CDH9: variants seen among roughly 807,000 people sequenced by gnomAD.
The protein encoded by CDH9 is cadherin 9.
CDH9 carries 28 observed loss-of-function variants against 70.9 expected under a neutral mutation model. The ratio of observed to expected loss-of-function variants is 0.40; its 90% CI spans 0.29 to 0.54. CDH9 has a LOEUF of 0.54. Ranked by LOEUF, CDH9 falls within the 20% of genes least tolerant of loss-of-function variation. The pLI is 0.59. For synonymous variants in CDH9, 409 were observed against 343.1 expected (o/e 1.19, Z -2.12); for missense variants, 874 against 984.4 (o/e 0.89, Z 1.50).
At chr5:26,894,824 G>A (rs188029559) in intron 7 of CDH9, among the ~76,000 whole-genome samples, 34 of 152,132 alleles carry the variant, frequency 2.2e-4, no homozygotes, top group African/African-American at 8.2e-4. Context: ...AGTTTAAAAA[G>A]GCCATTGTCA....
intron 11 of CDH9, among the ~76,000 whole-genome samples, chr5:26,882,171 G>T (rs1740479267): frequency 6.6e-6 from 1 of 151,936 alleles, no homozygotes; most frequent in Non-Finnish European, 1.5e-5. Context: ...GTATCTCATA[G>T]GTTTAACTAA....
intron 11 of CDH9, among the ~76,000 whole-genome samples, chr5:26,883,880 C>T (rs1220853881): frequency 6.6e-6 from 1 of 152,050 alleles, no homozygotes; most frequent in African/African-American, 2.4e-5. Context: ...AGCTACATTT[C>T]TTCAAAATGT....
At chr5:27,019,139 A>G (rs1743094456) in intron 1 of CDH9, among the ~76,000 whole-genome samples, 1 of 151,970 alleles carries the variant, frequency 6.6e-6, no homozygotes, top group African/African-American at 2.4e-5. Flanking sequence ...TAATTGGTGA[A>G]GTAGACTCAA....
chr5:26,916,826 A>G (rs1176502900), intron 2 of CDH9, among the ~76,000 whole-genome samples: 1 of 151,928 alleles, frequency 6.6e-6, no homozygotes, highest in Non-Finnish European at 1.5e-5. Flanking sequence ...TTCAACCACG[A>G]TGTTCTCATT....
chr5:27,011,605 A>T (rs1442416273), intron 1 of CDH9, among the ~76,000 whole-genome samples: 1 of 152,064 alleles, frequency 6.6e-6, no homozygotes, highest in Non-Finnish European at 1.5e-5. Flanking sequence ...TTTGTCATGC[A>T]TTGCTATGGC....
intron 7 of CDH9, among the ~76,000 whole-genome samples, chr5:26,897,626 T>C (rs1409547664): frequency 6.6e-6 from 1 of 152,146 alleles, no homozygotes; most frequent in East Asian, 1.9e-4. Flanking sequence ...CACCCTTTCA[T>C]GCTATAAACT....
chr5:26,937,082 G>A (rs533281452), intron 2 of CDH9, among the ~76,000 whole-genome samples: 1 of 151,912 alleles, frequency 6.6e-6, no homozygotes, highest in Admixed American at 6.6e-5. Context: ...ATAGTGCTAG[G>A]GTAATATAAA....
chr5:26,926,069 G>A (rs564474777), intron 2 of CDH9, among the ~76,000 whole-genome samples: 13 of 152,030 alleles, frequency 8.6e-5, no homozygotes, highest in Admixed American at 1.3e-4. Flanking sequence ...CCTATTCAAC[G>A]TAGTGTTGGA....
chr5:26,978,015 C>G (rs1742331654), intron 2 of CDH9, among the ~76,000 whole-genome samples: 1 of 152,080 alleles, frequency 6.6e-6, no homozygotes, highest in Admixed American at 6.5e-5. Flanking sequence ...CAAACCTACA[C>G]AGGATCAAAG....
chr5:26,962,777 T>A, intron 2 of CDH9, among the ~76,000 whole-genome samples: 1 of 152,102 alleles, frequency 6.6e-6, no homozygotes, highest in East Asian at 1.9e-4. Context: ...AGTTCTAGAG[T>A]ACATGTGTTC....
At chr5:26,923,392 A>G (rs945848170) in intron 2 of CDH9, among the ~76,000 whole-genome samples, 15 of 151,972 alleles carry the variant, frequency 9.9e-5, no homozygotes, top group Admixed American at 1.3e-4. Flanking sequence ...AGCAACCTAT[A>G]TATAAAACCT....
chr5:26,928,908 A>G (rs1301679917), intron 2 of CDH9, among the ~76,000 whole-genome samples: 1 of 151,942 alleles, frequency 6.6e-6, no homozygotes, highest in Non-Finnish European at 1.5e-5. Flanking sequence ...AACATTTGAT[A>G]ACCTCTCCAG....
At chr5:27,014,613 C>T (rs1743014676) in intron 1 of CDH9, among the ~76,000 whole-genome samples, 2 of 151,830 alleles carry the variant, frequency 1.3e-5, no homozygotes, top group African/African-American at 2.4e-5. Context: ...TATATATACA[C>T]ACCAAATATG....
intron 2 of CDH9, among the ~76,000 whole-genome samples, chr5:26,979,372 T>G (rs1302073103): frequency 6.6e-6 from 1 of 151,308 alleles, no homozygotes; most frequent in African/African-American, 2.4e-5. Flanking sequence ...CAAAGAAGTA[T>G]AGCCAAGAAT....
chr5:26,897,097 C>G (rs1281518432), intron 7 of CDH9, among the ~76,000 whole-genome samples: 2 of 152,066 alleles, frequency 1.3e-5, no homozygotes, highest in Non-Finnish European at 1.5e-5. Flanking sequence ...TGGACACATA[C>G]ACCCTCCAAA....
At chr5:26,887,169 G>A (rs1467589697) in intron 9 of CDH9, among the ~76,000 whole-genome samples, 6 of 151,954 alleles carry the variant, frequency 3.9e-5, no homozygotes, top group African/African-American at 1.4e-4. Flanking sequence ...TTTTGAAAGT[G>A]CACAATGCAC....
intron 9 of CDH9, among the ~76,000 whole-genome samples, chr5:26,888,824 T>C (rs1228232407): frequency 6.6e-6 from 1 of 152,160 alleles, no homozygotes; most frequent in Non-Finnish European, 1.5e-5. Context: ...AGTGCTCTCA[T>C]ATGGCTTTTC....
intron 2 of CDH9, among the ~76,000 whole-genome samples, chr5:26,940,432 A>G (rs1229206807): frequency 6.6e-6 from 1 of 152,180 alleles, no homozygotes; most frequent in Non-Finnish European, 1.5e-5. Context: ...CACATTATTA[A>G]AAACTAGATA....
chr5:27,008,315 C>A (rs943658179), intron 1 of CDH9, among the ~76,000 whole-genome samples: 2 of 151,896 alleles, frequency 1.3e-5, no homozygotes, highest in African/African-American at 4.8e-5. Flanking sequence ...CATGATGAAA[C>A]CCCATCTCCA....
Sources: gnomAD v4.1 joint callset for allele counts (sites outside exome capture counted in the v4.1 genomes callset) on GRCh38, gnomAD v4.1.1 for gene constraint, MANE v1.5 for transcripts, NCBI Gene and HGNC (gene_info 2026-07-23, HGNC 2026-07-21) for gene names.